The following NT5DC3 variants were observed in gnomAD, a reference collection of about 807,000 sequenced individuals.
NT5DC3 encodes the protein 5'-nucleotidase domain containing 3, also known as 5'-nucleotidase domain-containing protein 3.
A neutral mutation model predicts 67.8 loss-of-function variants in NT5DC3; 42 were observed. The observed-to-expected ratio is 0.62, with a 90% confidence interval of 0.48 to 0.80. The LOEUF (loss-of-function observed/expected upper bound fraction) is 0.80, where lower values mean the gene tolerates loss of function less well. Ranked by LOEUF, NT5DC3 falls within the 30% of genes least tolerant of loss-of-function variation. The pLI is 0.00. For synonymous variants in NT5DC3, 237 were observed against 255.6 expected, an observed-to-expected ratio of 0.93 and a Z score of 0.69; for missense variants, 570 against 696.4, an observed-to-expected ratio of 0.82 and a Z score of 2.04.
downstream of NT5DC3, among the ~76,000 whole-genome samples, chr12:103,767,738 G>C (rs530385843): frequency 2.6e-5 from 4 of 152,012 alleles, no homozygotes; most frequent in African/African-American, 9.7e-5. Flanking sequence ...CCTTCAGAAG[G>C]CAAAGGGAAA....
At chr12:103,787,959 A>G (rs1885868564) in intron 10 of NT5DC3, among the ~76,000 whole-genome samples, 1 of 152,232 alleles carries the variant, frequency 6.6e-6, no homozygotes, top group South Asian at 2.1e-4. Context: ...TAGAAGTAGA[A>G]TGGCTTTATC....
chr12:103,840,414 T>TCATTC (rs1307429812), intron 1 of NT5DC3, among the ~76,000 whole-genome samples: 7 of 139,794 alleles, frequency 5.0e-5, no homozygotes, highest in Non-Finnish European at 9.2e-5. Context: ...TCATCTCATC[T>TCATTC]CATCTCATTC....
chr12:103,763,920 T>C, the NT5DC3 span: 1 of 225,640 alleles, frequency 4.4e-6, no homozygotes, highest in Non-Finnish European at 8.6e-6. Context: ...GGCTGAATTC[T>C]GCTGCAATCA....
rs183047653 is a variant in NT5DC3 at position 103,784,703 on chromosome 12, G to A, written c.1329+632C>T. Among the ~76,000 whole-genome samples, 666 of 152,286 alleles carry A rather than the reference G, an allele frequency of 4.4e-3. 6 individuals are homozygous for A. Among genetic ancestry groups the A allele is most frequent in the Non-Finnish European group, 8.2e-3 (558 of 68,018 alleles). ...GAAAGGGGCACATGGAGAATTAAGG[G>A]GATACAGCTACAAAAGAGAGGCAGC... On this transcript the variant is annotated intron_variant, in intron 12 of 13. Transcript: ENST00000392876.
intron 11 of NT5DC3, among the ~76,000 whole-genome samples, chr12:103,786,482 G>C (rs765362089): frequency 1.3e-5 from 2 of 151,908 alleles, no homozygotes; most frequent in Non-Finnish European, 2.9e-5. Context: ...AGGTGGGCTG[G>C]GGAAGGGGAA....
At position 103,783,529 on chromosome 12, in the gene NT5DC3, G is replaced by A. The variant is rs75549704; in HGVS notation, c.1329+1806C>T. Among the ~76,000 whole-genome samples the A allele has an allele frequency of 2.1e-3, 318 of 152,112 alleles. 1 individual carries two copies. The highest frequency in any genetic ancestry group is 7.2e-3 in the African/African-American group (297 of 41,482). ...TGTCCAGAACACGGTAAGTTCTTACGACATTTCTACATAGCCTGATTCTGC... is the reference window on the plus strand; with the variant it reads ...TGTCCAGAACACGGTAAGTTCTTACAACATTTCTACATAGCCTGATTCTGC... On this transcript the variant is annotated intron_variant, in intron 12 of 13. Transcript: ENST00000392876.
chr12:103,791,622 T>C (rs1379427860), intron 9 of NT5DC3, among the ~76,000 whole-genome samples: 2 of 152,200 alleles, frequency 1.3e-5, no homozygotes, highest in Non-Finnish European at 2.9e-5. Context: ...CTCTCCTGTC[T>C]GCCAGAGCAG....
intron 12 of NT5DC3, among the ~76,000 whole-genome samples, chr12:103,783,925 G>A (rs987707703): frequency 8.5e-5 from 13 of 152,172 alleles, no homozygotes; most frequent in South Asian, 8.3e-4. Context: ...GCCTATACCC[G>A]AATCCTCTAA....
At position 103,773,448 on chromosome 12, in the gene NT5DC3, C is replaced by G. The variant is rs893550050; in HGVS notation, c.*4381G>C. The G allele has an allele frequency of 5.3e-5, 8 of 152,192 alleles. No homozygotes were observed. The highest frequency in any genetic ancestry group is 2.6e-4 in the Admixed American group (4 of 15,286). 9.4% of individuals were successfully genotyped at this position (152,192 alleles called of 1,614,324 possible). ...AAGGTTAGCTGAACTTTGAGCTAAG[C>G]TCCTAAATGACACTAGTAGTGTCAA... On this transcript the variant is annotated 3_prime_UTR_variant, in exon 14 of 14. Transcript: ENST00000392876.
chr12:103,759,942 A>C, the NT5DC3 span, among the ~76,000 whole-genome samples: 2 of 152,242 alleles, frequency 1.3e-5, no homozygotes, highest in African/African-American at 4.8e-5. Context: ...GAAATGATAC[A>C]TTTGTGGAAA....
intron 1 of NT5DC3, among the ~76,000 whole-genome samples, chr12:103,816,461 C>T (rs1490756418): frequency 5.3e-5 from 8 of 152,212 alleles, no homozygotes; most frequent in Non-Finnish European, 1.0e-4. Context: ...TGTTAATCTT[C>T]ACCTTTCAGA....
Position 103,798,622 on chromosome 12 carries a change from C to A in NT5DC3, c.580G>T (p.Val194Leu). 6.2e-7 allele frequency: 1 copy of A among 1,613,978 alleles called. No individual in the cohort carries two copies. Among genetic ancestry groups the A allele is most frequent in the Non-Finnish European group, 8.5e-7 (1 of 1,179,844 alleles). Residue 194 changes from valine (V) to leucine (L), a missense_variant, in exon 5 of 14, where the codon GTG (valine) becomes TTG (leucine). By Grantham distance (32) the Val-to-Leu change is conservative. Coordinates refer to ENST00000392876, the MANE Select transcript of NT5DC3 (RefSeq NM_001031701.3). ...EVIEMYEGSHVPLEQMSDFYG... is the reference protein window; with the variant it reads ...EVIEMYEGSHLPLEQMSDFYG... ...AAGTCACTCATCTGCTCCAAGGGCACGTGGGACCCCTCGTACATTTCAATG... is the reference window on the plus strand; with the variant it reads ...AAGTCACTCATCTGCTCCAAGGGCAAGTGGGACCCCTCGTACATTTCAATG...
chr12:103,832,079 G>A (rs1182010169), intron 1 of NT5DC3, among the ~76,000 whole-genome samples: 1 of 151,888 alleles, frequency 6.6e-6, no homozygotes, highest in Non-Finnish European at 1.5e-5. Flanking sequence ...GCCTGGCCTC[G>A]GCTTCCTCTT....
intron 2 of NT5DC3, among the ~76,000 whole-genome samples, chr12:103,813,668 G>A (rs1314890595): frequency 1.3e-5 from 2 of 152,058 alleles, no homozygotes; most frequent in African/African-American, 2.4e-5. Context: ...CCCCACCTGG[G>A]GTAACATCTT....
At chr12:103,811,401 G>T (rs990923816) in intron 2 of NT5DC3, among the ~76,000 whole-genome samples, 1 of 152,128 alleles carries the variant, frequency 6.6e-6, no homozygotes, top group African/African-American at 2.4e-5. Context: ...AGAGGAGACG[G>T]CTGGAGGAGG....
the NT5DC3 span, among the ~76,000 whole-genome samples, chr12:103,752,912 A>C: frequency 1.3e-5 from 2 of 152,252 alleles, no homozygotes; most frequent in African/African-American, 4.8e-5. Context: ...AAATTCTAGA[A>C]GGAAATGCAC....
chr12:103,834,405 G>T (rs1026134166), intron 1 of NT5DC3, among the ~76,000 whole-genome samples: 4 of 152,178 alleles, frequency 2.6e-5, no homozygotes, highest in Non-Finnish European at 4.4e-5. Flanking sequence ...CCTCAAAACT[G>T]TAGGTCATCA....
chr12:103,764,815 G>A, the NT5DC3 span, among the ~76,000 whole-genome samples: 39 of 151,972 alleles, frequency 2.6e-4, no homozygotes, highest in East Asian at 2.9e-3. Context: ...GGGTAAGTTC[G>A]GGCCGGGTGC....
intron 2 of NT5DC3, 141 bp downstream of exon 2, chr12:103,814,796 G>T: frequency 1.7e-6 from 1 of 589,180 alleles, no homozygotes; most frequent in Non-Finnish European, 2.8e-6. Flanking sequence ...AGAGTTACTT[G>T]GAAGGGAACA....
Sources: gnomAD v4.1 joint callset for allele counts (sites outside exome capture counted in the v4.1 genomes callset) on GRCh38, gnomAD v4.1.1 for gene constraint, MANE v1.5 for transcripts, NCBI Gene and HGNC (gene_info 2026-07-23, HGNC 2026-07-21) for gene names.